Variants in RIMS2 observed in about 807,000 individuals in gnomAD.
RIMS2 encodes the protein regulating synaptic membrane exocytosis protein 2.
RIMS2 carries 59 observed loss-of-function variants against 174.4 expected under a neutral mutation model. That is an observed-to-expected ratio of 0.34 (90% CI 0.27 to 0.42). The LOEUF (loss-of-function observed/expected upper bound fraction) is 0.42, where lower values mean the gene tolerates loss of function less well. Among genes scored for constraint, RIMS2 ranks in the 10% least tolerant of loss-of-function variants. The probability of loss-of-function intolerance (pLI) is 1.00; values close to 1 mark genes in which losing one functional copy is unlikely to be tolerated. For missense variants in RIMS2, 1,620 were observed against 1,666.3 expected (o/e 0.97, Z 0.48); for synonymous variants, 606 against 572.5 (o/e 1.06, Z -0.84).
chr8:103,574,881 C>T (rs1031636980), intron 1 of RIMS2, among the ~76,000 whole-genome samples: 7 of 152,120 alleles, frequency 4.6e-5, no homozygotes, highest in Non-Finnish European at 8.8e-5. Flanking sequence ...ATTTCTAGCC[C>T]TTGTTGTGAA....
chr8:103,813,952 T>G, intron 3 of RIMS2, among the ~76,000 whole-genome samples: 1 of 152,216 alleles, frequency 6.6e-6, no homozygotes, highest in East Asian at 1.9e-4. Context: ...TGCACTCGTA[T>G]GTTCATTGCA....
At chr8:103,706,091 G>C (rs537842551) in intron 2 of RIMS2, among the ~76,000 whole-genome samples, 1 of 151,226 alleles carries the variant, frequency 6.6e-6, no homozygotes, top group African/African-American at 2.4e-5. Context: ...TTTCTTCGTC[G>C]TTTCTATTAG....
At chr8:104,250,200 A>C (rs1473428040) in intron 22 of RIMS2, among the ~76,000 whole-genome samples, 1 of 149,948 alleles carries the variant, frequency 6.7e-6, no homozygotes, top group Non-Finnish European at 1.5e-5. Context: ...GTTTGATAAG[A>C]TGTATAAAAC....
chr8:104,159,115 G>A (rs565650752), intron 19 of RIMS2, among the ~76,000 whole-genome samples: 17 of 152,168 alleles, frequency 1.1e-4, no homozygotes, highest in African/African-American at 3.9e-4. Flanking sequence ...TCTACATATG[G>A]CTAGCCAGTT....
chr8:104,029,952 C>G (rs1245013705), intron 19 of RIMS2, among the ~76,000 whole-genome samples: 1 of 152,106 alleles, frequency 6.6e-6, no homozygotes, highest in Admixed American at 6.6e-5. Context: ...GGGAAATACT[C>G]TGTTGTTTTT....
intron 19 of RIMS2, among the ~76,000 whole-genome samples, chr8:104,186,267 A>G (rs1485813768): frequency 6.6e-6 from 1 of 151,572 alleles, no homozygotes; most frequent in Admixed American, 6.6e-5. Flanking sequence ...GAAATTACCT[A>G]ATGGGTACAA....
intron 16 of RIMS2, among the ~76,000 whole-genome samples, chr8:103,985,213 C>T (rs997823738): frequency 2.6e-5 from 4 of 151,972 alleles, no homozygotes; most frequent in Non-Finnish European, 5.9e-5. Flanking sequence ...CGGTGGCTTA[C>T]ACCTGTAATC....
At chr8:103,667,828 G>A (rs2096691803) in intron 1 of RIMS2, among the ~76,000 whole-genome samples, 1 of 152,170 alleles carries the variant, frequency 6.6e-6, no homozygotes, top group African/African-American at 2.4e-5. Context: ...GGTCTCCAAT[G>A]GGTGTATAGT....
intron 3 of RIMS2, among the ~76,000 whole-genome samples, chr8:103,783,267 C>CTT (rs58402080): frequency 7.1e-6 from 1 of 140,992 alleles, no homozygotes; most frequent in Admixed American, 7.1e-5. Flanking sequence ...TTTTTCTTTT[C>CTT]TTTTTTTTTT....
intron 2 of RIMS2, among the ~76,000 whole-genome samples, chr8:103,733,484 A>G (rs1454446686): frequency 6.6e-6 from 1 of 152,156 alleles, no homozygotes; most frequent in African/African-American, 2.4e-5. Flanking sequence ...TAGCACCAGG[A>G]CTTACCCAGA....
chr8:103,882,428 G>T (rs2099171740), intron 3 of RIMS2, among the ~76,000 whole-genome samples: 1 of 151,482 alleles, frequency 6.6e-6, no homozygotes, highest in Non-Finnish European at 1.5e-5. Flanking sequence ...TTCATTGTTT[G>T]ATACATGTAT....
At chr8:104,178,952 C>T (rs1348168758) in intron 19 of RIMS2, among the ~76,000 whole-genome samples, 1 of 152,014 alleles carries the variant, frequency 6.6e-6, no homozygotes, top group African/African-American at 2.4e-5. Context: ...TACACCATTG[C>T]TAACTTGGGA....
At chr8:103,536,496 G>A (rs1325475058) in intron 1 of RIMS2, among the ~76,000 whole-genome samples, 1 of 152,082 alleles carries the variant, frequency 6.6e-6, no homozygotes, top group Non-Finnish European at 1.5e-5. Context: ...AAGAAAAGCA[G>A]GTTAATTTAA....
intron 19 of RIMS2, among the ~76,000 whole-genome samples, chr8:104,070,924 G>A (rs2097185198): frequency 6.6e-6 from 1 of 152,076 alleles, no homozygotes; most frequent in Non-Finnish European, 1.5e-5. Context: ...TCAACCCTGA[G>A]CTTCCTAACA....
intron 1 of RIMS2, among the ~76,000 whole-genome samples, chr8:103,646,583 CCCATGTGT>C (rs549880545): frequency 3.3e-5 from 5 of 152,056 alleles, no homozygotes; most frequent in East Asian, 1.9e-4. Flanking sequence ...TGTTGTTTCC[CCCATGTGT>C]CCATGTGTCC....
intron 1 of RIMS2, among the ~76,000 whole-genome samples, chr8:103,645,618 A>G (rs2096311714): frequency 6.6e-6 from 1 of 152,118 alleles, no homozygotes; most frequent in Non-Finnish European, 1.5e-5. Flanking sequence ...ACCTCTTAGG[A>G]TAAGTTCTAG....
intron 1 of RIMS2, among the ~76,000 whole-genome samples, chr8:103,636,793 C>A (rs928228333): frequency 7.4e-5 from 4 of 54,200 alleles, no homozygotes; most frequent in African/African-American, 1.6e-4. Flanking sequence ...CCCGCACCCC[C>A]CCCCCCCCAC....
chr8:103,785,640 A>G (rs2098436608), intron 3 of RIMS2, among the ~76,000 whole-genome samples: 1 of 152,050 alleles, frequency 6.6e-6, no homozygotes, highest in Non-Finnish European at 1.5e-5. Context: ...ATGGTGGATA[A>G]GCTTTTTGAT....
chr8:103,897,273 T>C (rs556808408), intron 4 of RIMS2, among the ~76,000 whole-genome samples: 1 of 151,822 alleles, frequency 6.6e-6, no homozygotes, highest in African/African-American at 2.4e-5. Context: ...TTTTCTTCAT[T>C]GCTTTCTTTC....
Sources: allele counts gnomAD v4.1 joint callset (sites outside exome capture counted in the v4.1 genomes callset), GRCh38; gene constraint gnomAD v4.1.1; transcripts MANE v1.5; gene names NCBI Gene and HGNC (gene_info 2026-07-23, HGNC 2026-07-21).